CNOT1: variants seen among roughly 807,000 people sequenced by gnomAD.
CNOT1 encodes CCR4-NOT transcription complex subunit 1.
A neutral mutation model predicts 273.8 loss-of-function variants in CNOT1; 15 were observed. The ratio of observed to expected loss-of-function variants is 0.05; its 90% CI spans 0.04 to 0.08. The LOEUF (loss-of-function observed/expected upper bound fraction) is 0.08. Among genes scored for constraint, CNOT1 ranks in the 10% least tolerant of loss-of-function variants. The probability of loss-of-function intolerance (pLI) is 1.00; values close to 1 mark genes in which losing one functional copy is unlikely to be tolerated. For synonymous variants in CNOT1, 1,022 were observed against 1,005.5 expected (o/e 1.02, Z -0.31); for missense variants, 1,644 against 2,912.2 (o/e 0.56, Z 10.02).
chr16:58,573,532 G>A (rs909875743), intron 16 of CNOT1, among the ~76,000 whole-genome samples: 1 of 144,002 alleles, frequency 6.9e-6, no homozygotes, highest in Non-Finnish European at 1.5e-5. Context: ...CCAGGCTGGA[G>A]TGCAGTGGCG....
chr16:58,532,544 G>A (rs1409064407), intron 40 of CNOT1, 149 bp from the exon 41 acceptor site: 46 of 1,365,364 alleles, frequency 3.4e-5, no homozygotes, highest in Middle Eastern at 2.7e-4. Context: ...GCTGGCAGCC[G>A]ATAGGGTCAT....
At position 58,618,409 on chromosome 16, in the gene CNOT1, C is replaced by T. The variant is rs149624266; in HGVS notation, c.-175+11319G>A. 4.0e-3 allele frequency among the ~76,000 whole-genome samples: 601 copies of T among 152,144 alleles called. 7 individuals carry two copies. The highest frequency in any genetic ancestry group is 0.011 in the East Asian group (59 of 5,166). ...CCAGCCTGGCCAACATGGTAAACCC[C>T]GTGTCTACTAAAGATACAAAAAATT... is the stretch of plus-strand genomic sequence containing the variant. On this transcript the variant is annotated intron_variant, in intron 1 of 48. Coordinates refer to ENST00000317147, the MANE Select transcript of CNOT1 (RefSeq NM_016284.5).
chr16:58,604,519 T>C (rs757535619), intron 1 of CNOT1, among the ~76,000 whole-genome samples: 22 of 151,516 alleles, frequency 1.5e-4, no homozygotes, highest in Non-Finnish European at 2.6e-4. Context: ...CGGTGGCTCA[T>C]GCCTGTAATC....
intron 2 of CNOT1, among the ~76,000 whole-genome samples, chr16:58,592,487 A>T (rs995663412): frequency 4.6e-5 from 7 of 152,168 alleles, no homozygotes; most frequent in Non-Finnish European, 7.3e-5. Flanking sequence ...GTGAGGCAGG[A>T]TGATCACTTG....
chr16:58,542,740 C>T (rs1597425765), intron 31 of CNOT1, among the ~76,000 whole-genome samples, 172 bp from the exon 32 acceptor site: 1 of 152,172 alleles, frequency 6.6e-6, no homozygotes, highest in Admixed American at 6.5e-5. Context: ...AGCTTCCTCA[C>T]TTTTAAGACA....
At chr16:58,573,473 T>C (rs770455003) in intron 16 of CNOT1, among the ~76,000 whole-genome samples, 9 of 147,518 alleles carry the variant, frequency 6.1e-5, no homozygotes, top group Non-Finnish European at 1.0e-4. Flanking sequence ...TAGGCTGTTT[T>C]GCAATTTTTT....
At chr16:58,584,341 G>A (rs181279661) in intron 8 of CNOT1, among the ~76,000 whole-genome samples, 1 of 151,202 alleles carries the variant, frequency 6.6e-6, no homozygotes, top group East Asian at 1.9e-4. Flanking sequence ...TGTTAGTCTC[G>A]CTTTTTTTTG....
chr16:58,611,438 T>A (rs2042895868), intron 1 of CNOT1, among the ~76,000 whole-genome samples: 1 of 147,882 alleles, frequency 6.8e-6, no homozygotes, highest in African/African-American at 2.5e-5. Context: ...CCAAAAAAAA[T>A]AAATAAAATA....
At position 58,587,858 on chromosome 16, in the gene CNOT1, C is replaced by A; in HGVS notation, c.231G>T (p.Glu77Asp). 1 of 1,613,608 alleles carries A rather than the reference C, an allele frequency of 6.2e-7. No individual in the cohort carries two copies. The highest frequency in any genetic ancestry group is 8.5e-7 in the Non-Finnish European group (1 of 1,180,006). The change falls in exon 4 of 49, where the codon GAG becomes GAT. Residue 77 changes from glutamate (E) to aspartate (D), a missense_variant. Glu to Asp is a conservative substitution (Grantham distance 45, BLOSUM62 2). Around this residue, in one of 13 missense-constraint regions of CNOT1, gnomAD observed 706 missense variants for 1,021.2 expected, o/e 0.69. Transcript: ENST00000317147. ...TTGGCTTTGTAATCAGCAACGCACA[C>A]TCCTGAATCAGAAACTGAGTCTTTA... ...DFHQTQFLIQ[E>D]CALLITKPNF...
chr16:58,553,678 G>A, intron 22 of CNOT1, 104 bp downstream of exon 22: 1 of 1,362,812 alleles, frequency 7.3e-7, no homozygotes, highest in East Asian at 2.8e-5. Context: ...CAATCATTAA[G>A]AAATCTTAAT....
At position 58,544,035 on chromosome 16, in the gene CNOT1, A is replaced by G. The variant is rs75133019; in HGVS notation, c.4138-132T>C. ...ACCAGTTTCTACTTAAAGTTAACCA[A>G]TGGAAAATTCGGGTAACAGAAACTG... is the stretch of plus-strand genomic sequence containing the variant. On this transcript the variant is annotated intron_variant, in intron 30 of 48. Coordinates refer to ENST00000317147, the MANE Select transcript of CNOT1 (RefSeq NM_016284.5). 2.9e-3 allele frequency: 4,051 copies of G among 1,406,674 alleles called. 89 individuals are homozygous for G. In the African/African-American group the frequency reaches 0.053, roughly 18 times the overall value. The allele number at this position is 1,406,674 out of a possible 1,614,324, so 87.1% of individuals were successfully genotyped here. A position where few individuals can be genotyped will look rare whatever the true frequency, so the allele number is the denominator to read the frequency against.
intron 44 of CNOT1, among the ~76,000 whole-genome samples, chr16:58,527,314 G>A (rs756708894): frequency 6.6e-5 from 10 of 151,768 alleles, no homozygotes; most frequent in Non-Finnish European, 1.0e-4. Flanking sequence ...GTGAGGTCAG[G>A]AGTTTGAGAC....
Position 58,539,851 on chromosome 16 carries a change from G to T in CNOT1, c.4909C>A (p.Gln1637Lys). 11 of 1,614,190 alleles carry T rather than the reference G, an allele frequency of 6.8e-6. No homozygotes were observed. The highest frequency in any genetic ancestry group is 9.3e-6 in the Non-Finnish European group (11 of 1,180,036). Residue 1637 changes from glutamine to lysine, a missense_variant, in exon 35 of 49, where the codon CAG becomes AAG. This residue lies in a region of CNOT1 where 170 missense variants were observed against 273.1 expected (regional missense o/e 0.62). Transcript: ENST00000317147. The part of the protein sequence containing the change: ...PPTLAMNPQA[Q>K]ALRSLLEVVV... ...ACCTCCAAGAGACTTCGAAGAGCCT[G>T]AGCTTGAGGGTTCATGGCCAAAGTT... is the stretch of plus-strand genomic sequence containing the variant.
In CNOT1 at chr16:58,587,629, T is replaced by C; in HGVS notation, c.309+151A>G. The stretch of plus-strand genomic sequence containing the variant: ...AGATTCTATTTATTATTAAATGAAC[T>C]GCCTTGATTTTGTTACAAACTATAA... On this transcript the variant is annotated intron_variant, in intron 4 of 48. Coordinates refer to ENST00000317147, the MANE Select transcript of CNOT1 (RefSeq NM_016284.5). 1.5e-5 allele frequency: 16 copies of C among 1,078,254 alleles called. No individual in the cohort carries two copies. In the South Asian group the frequency reaches 2.7e-4, roughly 19 times the overall value. 66.8% of individuals were successfully genotyped at this position (1,078,254 alleles called of 1,614,324 possible).
rs2039341532 is a variant in CNOT1, at chr16:58,520,803, A to AG, written c.*154dup. On this transcript the variant is annotated 3_prime_UTR_variant, in exon 49 of 49. Coordinates refer to ENST00000317147, the MANE Select transcript of CNOT1 (RefSeq NM_016284.5). ...TTAAACTTTGGAACGTGCCCACATA[A>AG]GACAGGAGGCTGATCCCAACAGTAG... is the stretch of plus-strand genomic sequence containing the variant. The AG allele has an allele frequency of 8.2e-6, 6 of 731,754 alleles. No individual in the cohort carries two copies. In the South Asian group the frequency reaches 1.1e-4, roughly 14 times the overall value. 45.3% of individuals were successfully genotyped at this position (731,754 alleles called of 1,614,324 possible).
chr16:58,559,182 T>C (rs1339292245), intron 17 of CNOT1, among the ~76,000 whole-genome samples: 1 of 152,290 alleles, frequency 6.6e-6, no homozygotes, highest in East Asian at 1.9e-4. Flanking sequence ...TTTCTACTTG[T>C]GGCGTGTCAT....
Position 58,547,777 on chromosome 16 carries a change from CA to C in CNOT1, c.3523-96del. On this transcript the variant is annotated intron_variant, in intron 25 of 48. Coordinates refer to ENST00000317147, the MANE Select transcript of CNOT1 (RefSeq NM_016284.5). This position sits in a 1 kb window ranked among gnomAD's most constrained non-coding sequence, Gnocchi z 4.0. ...GAATTCCATTATCCTATCCTAAAGA[CA>C]AGTCATCATTTCTAAGAACAGGCCC... 1 of 1,211,710 alleles carries C rather than the reference CA, an allele frequency of 8.3e-7. No homozygotes were observed. The highest frequency in any genetic ancestry group is 1.1e-6 in the Non-Finnish European group (1 of 889,346). The allele number at this position is 1,211,710 out of a possible 1,614,324, so 75.1% of individuals were successfully genotyped here.
chr16:58,547,731 A>G lies in CNOT1; in HGVS notation c.3523-49T>C. The G allele has an allele frequency of 6.4e-7, 1 of 1,551,106 alleles. No individual in the cohort carries two copies. ...AGATATGAGAATAAGCTTATGAAAG[A>G]AAACTCAACTAAGTATTTGAGAATT... On this transcript the variant is annotated intron_variant, in intron 25 of 48. Transcript: ENST00000317147. The surrounding 1 kb of genome is among the most constrained non-coding windows in gnomAD (Gnocchi z 4.0).
intron 40 of CNOT1, among the ~76,000 whole-genome samples, chr16:58,533,325 G>T (rs370956194): frequency 2.0e-5 from 3 of 152,014 alleles, no homozygotes; most frequent in Admixed American, 2.0e-4. Context: ...GTCACTTGAG[G>T]GACCCAATAG....
Sources: allele counts gnomAD v4.1 joint callset (sites outside exome capture counted in the v4.1 genomes callset), GRCh38; gene constraint gnomAD v4.1.1; regional missense constraint gnomAD v4.1.1; non-coding constraint Gnocchi (gnomAD v3.1); transcripts MANE v1.5; gene names NCBI Gene and HGNC (gene_info 2026-07-23, HGNC 2026-07-21).